RTL4: variants seen among roughly 807,000 people sequenced by gnomAD.
The protein encoded by RTL4 is retrotransposon Gag like 4.
In RTL4, 4 loss-of-function variants were observed where a neutral mutation model predicts 5.3. That is an observed-to-expected ratio of 0.75 (90% CI 0.37 to 1.72). The LOEUF is 1.72. Ranked by LOEUF, RTL4 falls within the 40% of genes most tolerant of loss-of-function variation. The probability of loss-of-function intolerance (pLI) is 0.04; values close to 1 mark genes in which losing one functional copy is unlikely to be tolerated. For synonymous variants in RTL4, 98 were observed against 87.3 expected (o/e 1.12, Z -0.68); for missense variants, 260 against 227.1 (o/e 1.14, Z -0.93).
the RTL4 span, among the ~76,000 whole-genome samples, chrX:112,104,021 A>G: frequency 9.0e-6 from 1 of 111,376 alleles, no homozygotes; most frequent in South Asian, 3.8e-4. Flanking sequence ...GAAATTTTGT[A>G]TCCTTTGAGC....
the RTL4 span, among the ~76,000 whole-genome samples, chrX:112,131,514 A>G: frequency 4.5e-5 from 5 of 112,003 alleles, no homozygotes; most frequent in African/African-American, 1.3e-4. Flanking sequence ...CAGTTATTGC[A>G]TATTGTATAT....
At chrX:112,158,020 A>G in the RTL4 span, among the ~76,000 whole-genome samples, 3 of 110,998 alleles carry the variant, frequency 2.7e-5, no homozygotes, top group African/African-American at 9.8e-5. Flanking sequence ...CTGAGGCCAT[A>G]CAGTTCTTGG....
the RTL4 span, among the ~76,000 whole-genome samples, chrX:112,326,779 G>A: frequency 8.9e-6 from 1 of 111,736 alleles, no homozygotes; most frequent in East Asian, 2.8e-4. Flanking sequence ...GAAGAGAGAA[G>A]TGGTTCTCCC....
the RTL4 span, among the ~76,000 whole-genome samples, chrX:112,189,945 CTT>C: frequency 9.0e-6 from 1 of 111,331 alleles, no homozygotes; most frequent in African/African-American, 3.3e-5. Context: ...TCTCAAAAAA[CTT>C]TATTTTTCAG....
the RTL4 span, among the ~76,000 whole-genome samples, chrX:112,227,973 C>T: frequency 2.7e-5 from 3 of 111,453 alleles, no homozygotes; most frequent in Non-Finnish European, 3.8e-5. Flanking sequence ...AGAACAGCTC[C>T]CTGAATTTCC....
the RTL4 span, among the ~76,000 whole-genome samples, chrX:112,235,160 A>G: frequency 8.9e-6 from 1 of 111,851 alleles, no homozygotes; most frequent in Non-Finnish European, 1.9e-5. Context: ...GTGAATAGGC[A>G]TTTTCATTTT....
the RTL4 span, among the ~76,000 whole-genome samples, chrX:112,418,843 A>G: frequency 9.1e-6 from 1 of 109,543 alleles, no homozygotes; most frequent in African/African-American, 3.3e-5. Context: ...CAATGCTGAG[A>G]GTAGAAGACC....
At chrX:112,147,053 C>T in the RTL4 span, among the ~76,000 whole-genome samples, 2 of 108,228 alleles carry the variant, frequency 1.8e-5, no homozygotes, top group Non-Finnish European at 3.8e-5. Flanking sequence ...CGCAGATGTA[C>T]AGTCCCTTGC....
At chrX:112,233,675 T>A in the RTL4 span, among the ~76,000 whole-genome samples, 14 of 111,779 alleles carry the variant, frequency 1.3e-4, no homozygotes, top group Non-Finnish European at 2.4e-4. Context: ...TTATTGGCTA[T>A]GTAACCTTGG....
the RTL4 span, among the ~76,000 whole-genome samples, chrX:112,161,840 C>A: frequency 5.0e-5 from 2 of 40,066 alleles, no homozygotes; most frequent in African/African-American, 1.2e-4. Context: ...TTCCTTCCTT[C>A]CTTCCTTTCT....
At chrX:112,230,175 A>C in the RTL4 span, among the ~76,000 whole-genome samples, 1 of 112,576 alleles carries the variant, frequency 8.9e-6, no homozygotes, top group Non-Finnish European at 1.9e-5. Context: ...GGTGGGCTCC[A>C]CCCAGTTCGA....
At chrX:112,144,663 G>C in the RTL4 span, among the ~76,000 whole-genome samples, 5 of 111,608 alleles carry the variant, frequency 4.5e-5, no homozygotes, top group African/African-American at 1.6e-4. Flanking sequence ...AGAATAACTG[G>C]AAGTGAAGCC....
chrX:112,309,318 C>T, the RTL4 span, among the ~76,000 whole-genome samples: 4 of 110,575 alleles, frequency 3.6e-5, no homozygotes, highest in East Asian at 1.1e-3. Flanking sequence ...CTTCTAAGGG[C>T]ACTAATCCTA....
the RTL4 span, among the ~76,000 whole-genome samples, chrX:112,142,441 G>A: frequency 0.053 from 5,984 of 111,922 alleles, 336 homozygotes; most frequent in African/African-American, 0.17. Context: ...TGGGTTGATT[G>A]TTTAATTCTA....
the RTL4 span, among the ~76,000 whole-genome samples, chrX:112,114,821 C>T: frequency 9.0e-6 from 1 of 111,077 alleles, no homozygotes; most frequent in African/African-American, 3.3e-5. Context: ...TGTGGATTAT[C>T]CTTCAATGAA....
the RTL4 span, among the ~76,000 whole-genome samples, chrX:112,445,668 C>A: frequency 1.8e-5 from 2 of 111,382 alleles, no homozygotes; most frequent in African/African-American, 6.5e-5. Flanking sequence ...CTGCAATGAG[C>A]CAGGTACTGA....
At chrX:112,091,896 G>A in the RTL4 span, among the ~76,000 whole-genome samples, 3 of 110,529 alleles carry the variant, frequency 2.7e-5, no homozygotes, top group Admixed American at 2.9e-4. Context: ...GTATATTTGG[G>A]TTTTCTGTTG....
the RTL4 span, among the ~76,000 whole-genome samples, chrX:112,393,143 CTTTCT>C: frequency 2.3e-5 from 2 of 87,551 alleles, no homozygotes; most frequent in Admixed American, 1.2e-4. Flanking sequence ...TTCTTTCTTT[CTTTCT>C]TTTTTTTTTT....
the RTL4 span, among the ~76,000 whole-genome samples, chrX:112,223,510 G>A: frequency 3.7e-3 from 412 of 112,261 alleles, no homozygotes; most frequent in Middle Eastern, 0.027. Flanking sequence ...TACTTGCTAC[G>A]TCTGCCTCCA....
Sources: allele counts gnomAD v4.1 joint callset (sites outside exome capture counted in the v4.1 genomes callset), GRCh38; gene constraint gnomAD v4.1.1; transcripts MANE v1.5; gene names NCBI Gene and HGNC (gene_info 2026-07-23, HGNC 2026-07-21).